The following TTLL5 variants were observed in gnomAD, a reference collection of about 807,000 sequenced individuals.
TTLL5 encodes the protein tubulin tyrosine ligase like 5.
Under a neutral mutation model 168.4 loss-of-function variants are expected in TTLL5, and 132 were observed. The ratio of observed to expected loss-of-function variants is 0.78; its 90% CI spans 0.68 to 0.91. The LOEUF (loss-of-function observed/expected upper bound fraction) is 0.91, where lower values mean the gene tolerates loss of function less well. Among genes scored for constraint, TTLL5 ranks in the 40% least tolerant of loss-of-function variants. The pLI is 0.00. For missense variants in TTLL5, 1,545 were observed against 1,581.5 expected (o/e 0.98, Z 0.39); for synonymous variants, 546 against 558.6 (o/e 0.98, Z 0.32).
intron 28 of TTLL5, among the ~76,000 whole-genome samples, chr14:75,858,441 G>A (rs1358567298): frequency 1.3e-5 from 2 of 152,150 alleles, no homozygotes; most frequent in Admixed American, 1.3e-4. Flanking sequence ...TATTCTGTCT[G>A]ACAAAATGAG....
chr14:75,765,490 C>G lies in TTLL5; in HGVS notation c.1709-572C>G, dbSNP rs567178470. On this transcript the variant is annotated intron_variant, in intron 19 of 31. Coordinates refer to ENST00000298832, the MANE Select transcript of TTLL5 (RefSeq NM_015072.5). ...TTTGTTTTTTTATTTTTATTTTTTG[C>G]CTTAAGTTGTGAGAGAGTGATGATG... Among the ~76,000 whole-genome samples the G allele has an allele frequency of 1.1e-3, 161 of 151,470 alleles. 1 individual carries two copies. Among genetic ancestry groups the G allele is most frequent in the Non-Finnish European group, 1.6e-3 (109 of 67,890 alleles).
intron 31 of TTLL5, among the ~76,000 whole-genome samples, chr14:75,921,127 C>T (rs781142177): frequency 3.3e-5 from 5 of 152,026 alleles, no homozygotes; most frequent in Non-Finnish European, 7.4e-5. Context: ...GGATATTAGC[C>T]CTTTGTCAGT....
chr14:75,746,854 G>A lies in TTLL5; in HGVS notation c.1487+1273G>A, dbSNP rs114969079. ...GCTGAGATTATAGGCGTGAGACACC[G>A]TGCTTGGTCACAGCTGATTTTCAGC... On this transcript the variant is annotated intron_variant, in intron 17 of 31. Transcript: ENST00000298832. Among the ~76,000 whole-genome samples the A allele has an allele frequency of 2.6e-3, 402 of 152,222 alleles. 2 individuals carry two copies. The highest frequency in any genetic ancestry group is 9.1e-3 in the African/African-American group (376 of 41,522).
chr14:75,934,166 T>C (rs2034363672), intron 31 of TTLL5, among the ~76,000 whole-genome samples: 2 of 152,206 alleles, frequency 1.3e-5, no homozygotes, highest in South Asian at 4.1e-4. Flanking sequence ...TAACTTAATC[T>C]TGGAAGTAAC....
At position 75,679,252 on chromosome 14, in the gene TTLL5, GAGA is replaced by G. The variant is rs145372038; in HGVS notation, c.182-2290_182-2288del. ...TAATCACAAGAGTTTTTTAAAGTGG[GAGA>G]AGGAGGTAGAAGAGGCCAGAGTGTT... On this transcript the variant is annotated intron_variant, in intron 3 of 31. Coordinates refer to ENST00000298832, the MANE Select transcript of TTLL5 (RefSeq NM_015072.5). Among the ~76,000 whole-genome samples, 218 of 152,328 alleles carry G rather than the reference GAGA, an allele frequency of 1.4e-3. 1 individual carries two copies. The highest frequency in any genetic ancestry group is 5.1e-3 in the African/African-American group (213 of 41,566).
intron 28 of TTLL5, among the ~76,000 whole-genome samples, chr14:75,849,105 C>G (rs1566629865): frequency 6.6e-6 from 1 of 152,138 alleles, no homozygotes; most frequent in Non-Finnish European, 1.5e-5. Flanking sequence ...ATGCATTCTT[C>G]CCAAATTTAT....
rs1193187457 is a variant in TTLL5 at position 75,820,073 on chromosome 14, C to T, written c.3238C>T (p.Arg1080Ter). The T allele has an allele frequency of 3.7e-6, 6 of 1,610,080 alleles. No individual in the cohort carries two copies. The highest frequency in any genetic ancestry group is 2.7e-5 in the African/African-American group (2 of 74,650). Residue 1080 changes from arginine to a stop codon, truncating the protein, a stop_gained, in exon 28 of 32, where the codon CGA (arginine) becomes TGA (stop). Coordinates refer to ENST00000298832, the MANE Select transcript of TTLL5 (RefSeq NM_015072.5). LOFTEE classifies it high-confidence loss of function. ...CAGTGCTTCAGCTCCCCCAACCCTC[C>T]GACCCATCATCAGTCCTAGTGGCCC... ...RSSASAPPTL[R>*]PIISPSGPTW... is the part of the protein sequence containing the mutation.
intron 24 of TTLL5, among the ~76,000 whole-genome samples, chr14:75,782,009 G>A (rs1430299156): frequency 1.4e-5 from 2 of 147,306 alleles, no homozygotes; most frequent in Admixed American, 6.8e-5. Context: ...CAGAGCCATC[G>A]TAGTATCCAG....
chr14:75,890,277 G>GA (rs1225458761), intron 30 of TTLL5, among the ~76,000 whole-genome samples: 2 of 152,116 alleles, frequency 1.3e-5, no homozygotes, highest in African/African-American at 4.8e-5. Flanking sequence ...ACAAAGCTAA[G>GA]AAAAACAGAT....
intron 27 of TTLL5, among the ~76,000 whole-genome samples, chr14:75,802,292 AT>A (rs1158468384): frequency 6.6e-6 from 1 of 151,710 alleles, no homozygotes; most frequent in Non-Finnish European, 1.5e-5. Flanking sequence ...CACTCTTGGT[AT>A]TTTTTTCACT....
chr14:75,670,262 A>T (rs1189080344), intron 3 of TTLL5, among the ~76,000 whole-genome samples: 1 of 151,408 alleles, frequency 6.6e-6, no homozygotes, highest in East Asian at 1.9e-4. Context: ...ACAGGATCTC[A>T]CTGTGTTGCC....
At chr14:75,722,315 C>T (rs1188082488) in intron 12 of TTLL5, among the ~76,000 whole-genome samples, 7 of 151,972 alleles carry the variant, frequency 4.6e-5, no homozygotes, top group Non-Finnish European at 8.8e-5. Flanking sequence ...GCATGATCAC[C>T]GTTCACTGCA....
chr14:75,710,476 T>TTTA (rs1276043826), intron 9 of TTLL5: 1 of 151,568 alleles, frequency 6.6e-6, no homozygotes, highest in Non-Finnish European at 1.5e-5. Context: ...AAAAACAGCT[T>TTTA]TTAAAAAACT....
At chr14:75,670,467 A>G (rs756621428) in intron 3 of TTLL5, among the ~76,000 whole-genome samples, 9 of 152,146 alleles carry the variant, frequency 5.9e-5, no homozygotes, top group Non-Finnish European at 1.2e-4. Flanking sequence ...CCATATGGTA[A>G]TTCTGTGTTT....
chr14:75,672,955 G>T (rs116265828), intron 3 of TTLL5, among the ~76,000 whole-genome samples: 2,604 of 150,720 alleles, frequency 0.017, 96 homozygotes, highest in African/African-American at 0.06. Flanking sequence ...TATTCTTTTT[G>T]AGTGACAAAG....
chr14:75,861,053 G>C (rs1336735414), intron 28 of TTLL5, among the ~76,000 whole-genome samples: 1 of 152,164 alleles, frequency 6.6e-6, no homozygotes, highest in Non-Finnish European at 1.5e-5. Flanking sequence ...CTGATAACAT[G>C]CACACTGAGG....
chr14:75,663,093 G>A lies in TTLL5; in HGVS notation c.-57G>A. ...CCAAATTGCTTGATCCAGTGAATCT[G>A]CTAGGAAAGGTCTCTGAGGCCCCCG... On this transcript the variant is annotated 5_prime_UTR_variant, in exon 2 of 32. Coordinates refer to ENST00000298832, the MANE Select transcript of TTLL5 (RefSeq NM_015072.5). The A allele has an allele frequency of 1.3e-6, 2 of 1,526,136 alleles. No individual in the cohort carries two copies. The highest frequency in any genetic ancestry group is 4.5e-5 in the East Asian group (2 of 44,160). The allele number at this position is 1,526,136 out of a possible 1,614,324, so 94.5% of individuals were successfully genotyped here. A position where few individuals can be genotyped will look rare whatever the true frequency, so the allele number is the denominator to read the frequency against.
chr14:75,698,289 G>A lies in TTLL5; in HGVS notation c.503-899G>A, dbSNP rs114018636. Among the ~76,000 whole-genome samples, 753 of 152,276 alleles carry A rather than the reference G, an allele frequency of 4.9e-3. 5 individuals are homozygous for A. The highest frequency in any genetic ancestry group is 0.014 in the African/African-American group (586 of 41,548). ...TCAGTTGTCTGCTTTCTCTTTTCAC[G>A]ATCCAAAGGGATATAAAGTGTAAAG... On this transcript the variant is annotated intron_variant, in intron 6 of 31. Transcript: ENST00000298832.
chr14:75,770,579 A>G (rs759030380), intron 20 of TTLL5, among the ~76,000 whole-genome samples: 6 of 152,224 alleles, frequency 3.9e-5, no homozygotes, highest in East Asian at 1.9e-4. Flanking sequence ...AGTAACCAAA[A>G]TCTGGCCTGA....
Sources: gnomAD v4.1 joint callset for allele counts (sites outside exome capture counted in the v4.1 genomes callset) on GRCh38, gnomAD v4.1.1 for gene constraint, MANE v1.5 for transcripts, NCBI Gene and HGNC (gene_info 2026-07-23, HGNC 2026-07-21) for gene names.